Variants in TMEM30A observed in about 807,000 individuals in gnomAD.
TMEM30A encodes the protein cell division cycle 50 P4-ATPase accessory subunit A.
Under a neutral mutation model 38.2 loss-of-function variants are expected in TMEM30A, and 24 were observed. That is an observed-to-expected ratio of 0.63 (90% CI 0.46 to 0.88). The LOEUF (loss-of-function observed/expected upper bound fraction) is 0.88, where lower values mean the gene tolerates loss of function less well. Ranked by LOEUF, TMEM30A falls within the 40% of genes least tolerant of loss-of-function variation. The pLI, the probability that TMEM30A is intolerant of heterozygous loss-of-function variation, is 0.00. For missense variants in TMEM30A, 370 were observed against 458.6 expected (o/e 0.81, Z 1.77); for synonymous variants, 145 against 161.6 (o/e 0.90, Z 0.78).
Position 75,256,022 on chromosome 6 carries a change from C to A in TMEM30A, c.*80G>T. The A allele has an allele frequency of 2.0e-6, 2 of 982,344 alleles. No individual in the cohort carries two copies. Among genetic ancestry groups the A allele is most frequent in the South Asian group, 1.9e-5 (1 of 52,104 alleles). 60.9% of individuals were successfully genotyped at this position (982,344 alleles called of 1,614,324 possible). A position where few individuals can be genotyped will look rare whatever the true frequency, so the allele number is the denominator to read the frequency against. On this transcript the variant is annotated 3_prime_UTR_variant, in exon 7 of 7. Coordinates refer to ENST00000230461, the MANE Select transcript of TMEM30A (RefSeq NM_018247.4). ...GCCAACTTCAAAATGACATACTAAC[C>A]AGATATCAGCATTCGAAAGCTAGGT...
chr6:75,280,022 C>T (rs150923637), intron 1 of TMEM30A, among the ~76,000 whole-genome samples: 42 of 152,208 alleles, frequency 2.8e-4, no homozygotes, highest in African/African-American at 9.2e-4. Context: ...GAAGTCTTTT[C>T]GAGAGACCTT....
chr6:75,278,452 A>G (rs1042320262), intron 1 of TMEM30A, among the ~76,000 whole-genome samples: 1 of 152,208 alleles, frequency 6.6e-6, no homozygotes, highest in Admixed American at 6.5e-5. Context: ...GACAGTTTTC[A>G]AGAACCTTCT....
chr6:75,273,386 C>G (rs1191615870), intron 1 of TMEM30A, among the ~76,000 whole-genome samples: 1 of 151,956 alleles, frequency 6.6e-6, no homozygotes, highest in East Asian at 1.9e-4. Context: ...ATGAATGCCT[C>G]TATGGTCCCA....
intron 1 of TMEM30A, among the ~76,000 whole-genome samples, chr6:75,276,852 TC>T (rs1165369592): frequency 6.6e-6 from 1 of 152,164 alleles, no homozygotes; most frequent in Admixed American, 6.5e-5. Context: ...CCCCTCTACT[TC>T]AGCCATATTG....
At chr6:75,259,614 T>A in intron 4 of TMEM30A, 124 bp from the exon 5 acceptor site, 1 of 735,930 alleles carries the variant, frequency 1.4e-6, no homozygotes, top group East Asian at 3.0e-5. Flanking sequence ...AGTAGGCATA[T>A]GATTCACATT....
intron 1 of TMEM30A, among the ~76,000 whole-genome samples, chr6:75,274,556 A>C (rs1390118923): frequency 6.6e-6 from 1 of 152,220 alleles, no homozygotes; most frequent in Admixed American, 6.5e-5. Flanking sequence ...GGAATACAAA[A>C]GACAGATTCA....
At chr6:75,271,194 C>T (rs961513222) in intron 1 of TMEM30A, among the ~76,000 whole-genome samples, 2 of 152,052 alleles carry the variant, frequency 1.3e-5, no homozygotes, top group Non-Finnish European at 2.9e-5. Flanking sequence ...AGAAACCTCT[C>T]AAATCACTGT....
At position 75,259,366 on chromosome 6, in the gene TMEM30A, G is replaced by A. The variant is rs1358382691; in HGVS notation, c.666C>T (p.Asn222=). ...VKFRNPPGGD[N]LEERFKGTTK... ...TTTTACCTTTAAATCGTTCTTCCAG[G>A]TTGTCTCCTCCAGGGGGATTTCTGA... is the stretch of plus-strand genomic sequence containing the variant. The change falls in exon 5 of 7, where the codon AAC becomes AAT. Residue 222 remains asparagine (N), a synonymous_variant. Transcript: ENST00000230461. The A allele has an allele frequency of 1.9e-6, 3 of 1,612,098 alleles. No individual in the cohort carries two copies. Among genetic ancestry groups the A allele is most frequent in the Non-Finnish European group, 2.5e-6 (3 of 1,179,302 alleles).
chr6:75,257,016 C>T (rs1463745162), intron 6 of TMEM30A, among the ~76,000 whole-genome samples: 15 of 152,158 alleles, frequency 9.9e-5, no homozygotes, highest in Non-Finnish European at 1.9e-4. Context: ...TCAAAAGCAT[C>T]TTTTGAATCT....
rs1771848671 is a variant in TMEM30A at position 75,255,208 on chromosome 6, T to A, written c.*894A>T. 2 of 152,578 alleles carry A rather than the reference T, an allele frequency of 1.3e-5. No individual in the cohort carries two copies. Among genetic ancestry groups the A allele is most frequent in the African/African-American group, 2.4e-5 (1 of 41,454 alleles). The allele number at this position is 152,578 out of a possible 1,614,324, so 9.5% of individuals were successfully genotyped here. Reference sequence around the variant, plus strand: ...AGCCTGAGTATTTCCAAAGCTGAAGTAATTTTCTGAATGTTAAATATCACA... The same window carrying A: ...AGCCTGAGTATTTCCAAAGCTGAAGAAATTTTCTGAATGTTAAATATCACA... On this transcript the variant is annotated 3_prime_UTR_variant, in exon 7 of 7. Transcript: ENST00000230461.
At chr6:75,284,354 C>T (rs1772419330) in intron 1 of TMEM30A, 48 bp downstream of exon 1, 1 of 1,568,144 alleles carries the variant, frequency 6.4e-7, no homozygotes, top group Non-Finnish European at 8.8e-7. Context: ...GCGCGTAGGA[C>T]CCTCCTCCCG....
intron 6 of TMEM30A, among the ~76,000 whole-genome samples, chr6:75,258,249 CAT>C (rs1410133735): frequency 1.3e-5 from 2 of 152,136 alleles, no homozygotes; most frequent in Non-Finnish European, 2.9e-5. Context: ...AGTGTTAACA[CAT>C]AGTTAGAGTG....
rs1459252327 is a variant in TMEM30A, at chr6:75,265,268, T to C, written c.416A>G (p.Asp139Gly). 1.2e-6 allele frequency: 2 copies of C among 1,611,500 alleles called. No homozygotes were observed. Among genetic ancestry groups the C allele is most frequent in the South Asian group, 1.1e-5 (1 of 90,902 alleles). Residue 139 changes from aspartate to glycine, a missense_variant, in exon 3 of 7, where the codon GAT becomes GGT. Physicochemically the swap from Asp to Gly is moderately conservative, Grantham distance 94. Transcript: ENST00000230461. The part of the protein sequence containing the change: ...QNHRRYVKSR[D>G]DSQLNGDSSA... ...AGAATCTCCATTTAGTTGACTATCA[T>C]CTCGAGATTTCACGTAACGACGATG...
At chr6:75,261,563 A>G (rs953821763) in intron 3 of TMEM30A, among the ~76,000 whole-genome samples, 1 of 152,206 alleles carries the variant, frequency 6.6e-6, no homozygotes, top group African/African-American at 2.4e-5. Context: ...AGGATCTTAA[A>G]GAGGTGTGGC....
intron 2 of TMEM30A, among the ~76,000 whole-genome samples, chr6:75,266,639 G>A (rs953649110): frequency 6.6e-6 from 1 of 152,148 alleles, no homozygotes; most frequent in African/African-American, 2.4e-5. Context: ...TTTTGAATGG[G>A]AGAGAAAATT....
chr6:75,284,527 G>C lies in TMEM30A; in HGVS notation c.112C>G (p.Leu38Val). Residue 38 changes from leucine (L) to valine (V), a missense_variant, in exon 1 of 7, where the codon CTG becomes GTG. Transcript: ENST00000230461. ...PDNTAFKQQR[L>V]PAWQPILTAG... ...GTAAGGATGGGCTGCCAAGCTGGCA[G>C]CCGTTGCTGTTTGAAGGCCGTGTTA... 6.2e-7 allele frequency: 1 copy of C among 1,611,880 alleles called. No homozygotes were observed. Among genetic ancestry groups the C allele is most frequent in the Non-Finnish European group, 8.5e-7 (1 of 1,178,640 alleles).
chr6:75,267,604 G>T, intron 2 of TMEM30A, 37 bp downstream of exon 2: 2 of 1,465,492 alleles, frequency 1.4e-6, no homozygotes, highest in South Asian at 1.2e-5. Context: ...ATTTTTTAAA[G>T]CATGGCTTTT....
chr6:75,259,548 C>A, intron 4 of TMEM30A, 58 bp from the exon 5 acceptor site: 1 of 1,442,874 alleles, frequency 6.9e-7, no homozygotes, highest in South Asian at 1.4e-5. Context: ...ATAGCATCTG[C>A]TTAACTCTAT....
chr6:75,266,091 T>C (rs1361420236), intron 2 of TMEM30A, among the ~76,000 whole-genome samples: 1 of 152,226 alleles, frequency 6.6e-6, no homozygotes, highest in Non-Finnish European at 1.5e-5. Flanking sequence ...TACAATTATT[T>C]AGAAGATGCT....
Sources: gnomAD v4.1 joint callset for allele counts (sites outside exome capture counted in the v4.1 genomes callset) on GRCh38, gnomAD v4.1.1 for gene constraint, MANE v1.5 for transcripts, NCBI Gene and HGNC (gene_info 2026-07-23, HGNC 2026-07-21) for gene names.